Variants in YWHAE observed in about 807,000 individuals in gnomAD.
The protein encoded by YWHAE is 14-3-3 protein epsilon.
A neutral mutation model predicts 30.1 loss-of-function variants in YWHAE; 4 were observed. That is an observed-to-expected ratio of 0.13 (90% CI 0.07 to 0.30). The LOEUF is 0.30. YWHAE is among the 10% of genes least tolerant of loss of function. The pLI, the probability that YWHAE is intolerant of heterozygous loss-of-function variation, is 1.00. For missense variants in YWHAE, 121 were observed against 315.9 expected (o/e 0.38, Z 4.68); for synonymous variants, 118 against 111.8 (o/e 1.06, Z -0.35).
chr17:1,356,118 G>A (rs896472983), intron 4 of YWHAE, among the ~76,000 whole-genome samples: 19 of 152,032 alleles, frequency 1.2e-4, no homozygotes, highest in African/African-American at 3.6e-4. Context: ...GCAGTGAGCC[G>A]AGATCACGCC....
intron 1 of YWHAE, among the ~76,000 whole-genome samples, chr17:1,369,180 TTCCCCTACCTA>T (rs1350193253): frequency 9.2e-5 from 14 of 152,194 alleles, no homozygotes; most frequent in Non-Finnish European, 1.8e-4. Context: ...TTATATATAA[TTCCCCTACCTA>T]ACAATTCACC....
chr17:1,369,322 C>T (rs972633664), intron 1 of YWHAE, among the ~76,000 whole-genome samples: 2 of 151,990 alleles, frequency 1.3e-5, no homozygotes, highest in Non-Finnish European at 1.5e-5. Flanking sequence ...AGTAAAACCC[C>T]GTCTCTACTA....
At position 1,361,249 on chromosome 17, in the gene YWHAE, T is replaced by G. The variant is rs754788015; in HGVS notation, c.421A>C (p.Arg141=). ...AGGCTGTTCTCCGCAGCCTCCTTCCTGTCGTTTCCTGTGGCAAATTCTGCC... is the reference window on the plus strand; with the variant it reads ...AGGCTGTTCTCCGCAGCCTCCTTCCGGTCGTTTCCTGTGGCAAATTCTGCC... The part of the protein sequence containing the change: ...YLAEFATGND[R]KEAAENSLVA... Residue 141 remains arginine, a synonymous_variant, in exon 4 of 6, where the codon AGG becomes CGG. Transcript: ENST00000264335. 6 of 1,613,328 alleles carry G rather than the reference T, an allele frequency of 3.7e-6. No homozygotes were observed. The highest frequency in any genetic ancestry group is 1.1e-5 in the South Asian group (1 of 91,018).
At chr17:1,365,270 G>A (rs11651229) in intron 1 of YWHAE, among the ~76,000 whole-genome samples, 37,014 of 151,958 alleles carry the variant, frequency 0.24, 5,298 homozygotes, top group African/African-American at 0.39. Context: ...AGGTAGTTAG[G>A]TGGAGTGAGA....
chr17:1,374,231 C>A (rs528650312), intron 1 of YWHAE, among the ~76,000 whole-genome samples: 1 of 151,332 alleles, frequency 6.6e-6, no homozygotes, highest in South Asian at 2.1e-4. Context: ...AGCAGGACAA[C>A]TGCTTGAACA....
intron 5 of YWHAE, chr17:1,352,393 C>T (rs1016850394): frequency 4.6e-5 from 7 of 152,136 alleles, no homozygotes; most frequent in Admixed American, 1.3e-4. Context: ...CACATACGTG[C>T]CCACTTTCAG....
At chr17:1,360,779 G>T (rs138430771) in intron 4 of YWHAE, among the ~76,000 whole-genome samples, 1 of 152,108 alleles carries the variant, frequency 6.6e-6, no homozygotes, top group African/African-American at 2.4e-5. Context: ...TTTAAAAAAA[G>T]ACTGAAAACT....
At position 1,392,977 on chromosome 17, in the gene YWHAE, CA is replaced by C. The variant is rs1340138119; in HGVS notation, c.64+7069del. ...CAGCACTTTGGGAGGCCAAGTCTGA[CA>C]GATTGCTTGAGTCCAGGAATTCCAA... On this transcript the variant is annotated intron_variant, in intron 1 of 5. Coordinates refer to ENST00000264335, the MANE Select transcript of YWHAE (RefSeq NM_006761.5). Among the ~76,000 whole-genome samples the C allele has an allele frequency of 8.6e-5, 13 of 151,920 alleles. No individual in the cohort carries two copies. The South Asian group carries it at 2.7e-3, about 32-fold the overall frequency.
intron 1 of YWHAE, among the ~76,000 whole-genome samples, chr17:1,390,303 T>C (rs1454236360): frequency 6.6e-6 from 1 of 152,232 alleles, no homozygotes; most frequent in African/African-American, 2.4e-5. Flanking sequence ...GGACGACCTT[T>C]ACTTTGGATA....
chr17:1,395,080 TAC>T (rs2073448349), intron 1 of YWHAE, among the ~76,000 whole-genome samples: 1 of 151,634 alleles, frequency 6.6e-6, no homozygotes, highest in South Asian at 2.1e-4. Flanking sequence ...CAGTCACCCT[TAC>T]AGTCATCCAT....
intron 2 of YWHAE, 103 bp downstream of exon 2, chr17:1,364,756 A>T: frequency 7.7e-7 from 1 of 1,301,252 alleles, no homozygotes; most frequent in Non-Finnish European, 1.1e-6. Context: ...CTGTAATACA[A>T]GTTATATGAA....
chr17:1,345,594 T>C (rs2072503597), intron 5 of YWHAE, 95 bp from the exon 6 acceptor site: 2 of 1,311,684 alleles, frequency 1.5e-6, no homozygotes, highest in South Asian at 1.2e-5. Context: ...TAAAGACTCT[T>C]CTACTTGCTA....
At position 1,364,891 on chromosome 17, in the gene YWHAE, TGTC is replaced by T. The variant is rs775573504; in HGVS notation, c.229_231del (p.Asp77del). ...CGATATTCCCGAATCATTTTTAGCT[TGTC>T]TTCTCCTCCCTTGTTTTCTTCTTTC... is the stretch of plus-strand genomic sequence containing the variant. On this transcript the variant is annotated inframe_deletion, in exon 2 of 6. Transcript: ENST00000264335. The T allele has an allele frequency of 6.2e-7, 1 of 1,614,094 alleles. No homozygotes were observed. The highest frequency in any genetic ancestry group is 1.3e-5 in the African/African-American group (1 of 75,044).
Position 1,354,366 on chromosome 17 carries a change from A to C in YWHAE, c.579-19T>G, listed in dbSNP as rs753339877. ...TGCCAACCTAAAGGTATTTCAATAG[A>C]AGTGTTATAAAAATTAAGTCCAAAA... On this transcript the variant is annotated intron_variant, in intron 4 of 5. Coordinates refer to ENST00000264335, the MANE Select transcript of YWHAE (RefSeq NM_006761.5). The C allele has an allele frequency of 1.2e-6, 2 of 1,604,976 alleles. No homozygotes were observed. Among genetic ancestry groups the C allele is most frequent in the Non-Finnish European group, 1.7e-6 (2 of 1,176,902 alleles).
intron 5 of YWHAE, among the ~76,000 whole-genome samples, chr17:1,347,171 CAAAAAAAAA>C (rs11348283): frequency 8.0e-6 from 1 of 125,478 alleles, no homozygotes; most frequent in African/African-American, 3.0e-5. Context: ...ACTAAAAATA[CAAAAAAAAA>C]AAAAAAAAAT....
intron 3 of YWHAE, chr17:1,361,676 G>C: frequency 2.1e-6 from 1 of 470,306 alleles, no homozygotes; most frequent in Non-Finnish European, 3.8e-6. Flanking sequence ...TATGCCGTTT[G>C]GGGGAGGGGA....
chr17:1,380,419 G>A (rs1567977181), intron 1 of YWHAE, among the ~76,000 whole-genome samples: 2 of 152,072 alleles, frequency 1.3e-5, no homozygotes, highest in African/African-American at 2.4e-5. Flanking sequence ...TTTCATTCCT[G>A]CTTATTCATA....
intron 1 of YWHAE, among the ~76,000 whole-genome samples, chr17:1,391,238 G>A (rs930603949): frequency 6.6e-6 from 1 of 152,066 alleles, no homozygotes; most frequent in Admixed American, 6.6e-5. Context: ...GCTAGGAGGA[G>A]GAAATTTTCA....
intron 4 of YWHAE, among the ~76,000 whole-genome samples, chr17:1,359,934 A>AGAAGG (rs1567962555): frequency 0.054 from 1,379 of 25,532 alleles, 61 homozygotes; most frequent in Middle Eastern, 0.11. Context: ...GGAGGGGGGG[A>AGAAGG]GGAGGGGGAG....
Sources: allele counts gnomAD v4.1 joint callset (sites outside exome capture counted in the v4.1 genomes callset), GRCh38; gene constraint gnomAD v4.1.1; transcripts MANE v1.5; gene names NCBI Gene and HGNC (gene_info 2026-07-23, HGNC 2026-07-21).